NAA10: variants seen among roughly 807,000 people sequenced by gnomAD.
NAA10 encodes the protein N-alpha-acetyltransferase 10.
Under a neutral mutation model 19.2 loss-of-function variants are expected in NAA10, and 6 were observed. The observed-to-expected ratio is 0.31, with a 90% CI of 0.17 to 0.62. The LOEUF (loss-of-function observed/expected upper bound fraction) is 0.62, where lower values mean the gene tolerates loss of function less well. Among genes scored for constraint, NAA10 ranks in the 20% least tolerant of loss-of-function variants. The pLI is 0.83. For synonymous variants in NAA10, 97 were observed against 79.9 expected (o/e 1.21, Z -1.14); for missense variants, 101 against 198.4 (o/e 0.51, Z 2.95).
At position 153,932,677 on chromosome X, in the gene NAA10, C is replaced by T. The variant is rs1165613270; in HGVS notation, c.180-93G>A. Reference sequence around the variant, plus strand: ...CCATTTGTAGAGTGGACATGCACTACAGCCCCCTAAGACCCCAGCTGGGGG... The same window carrying T: ...CCATTTGTAGAGTGGACATGCACTATAGCCCCCTAAGACCCCAGCTGGGGG... On this transcript the variant is annotated intron_variant, in intron 3 of 7. Transcript: ENST00000464845. 3 of 856,785 alleles carry T rather than the reference C, an allele frequency of 3.5e-6. No individual in the cohort carries two copies. The Admixed American group carries it at 7.8e-5, about 22-fold the overall frequency. 70.6% of individuals were successfully genotyped at this position (856,785 alleles called of 1,213,427 possible).
intron 5 of NAA10, 64 bp from the exon 6 acceptor site, chrX:153,932,179 G>T (rs2065170313): frequency 8.4e-7 from 1 of 1,189,982 alleles, no homozygotes; most frequent in African/African-American, 1.7e-5. Flanking sequence ...GCACGTCCAG[G>T]TCTTGCCCCT....
intron 2 of NAA10, 173 bp from the exon 3 acceptor site, chrX:153,934,174 A>T (rs1014405686): frequency 5.4e-6 from 3 of 557,080 alleles, no homozygotes; most frequent in Non-Finnish European, 9.2e-6. Context: ...AAGAAGACGC[A>T]AAGTGGGGAT....
chrX:153,934,708 C>T (rs1176340285), intron 1 of NAA10, 176 bp downstream of exon 1: 6 of 617,847 alleles, frequency 9.7e-6, no homozygotes, highest in Admixed American at 3.3e-5. Context: ...GGAATCGCAG[C>T]CCCGGCCCCG....
chrX:153,932,810 G>C, intron 3 of NAA10: 2 of 438,055 alleles, frequency 4.6e-6, no homozygotes, highest in Non-Finnish European at 8.0e-6. Flanking sequence ...CCAGCTACTT[G>C]GCAGGCCGGG....
At position 153,929,920 on chromosome X, in the gene NAA10, G is replaced by GT; in HGVS notation, c.*66dup. On this transcript the variant is annotated 3_prime_UTR_variant, in exon 8 of 8. Coordinates refer to ENST00000464845, the MANE Select transcript of NAA10 (RefSeq NM_003491.4). Reference sequence around the variant, plus strand: ...AAATGTGCGCGCGCTCACACACAAAGTTCCCCAGTGCCACGGAGCGAATTT... The same window carrying GT: ...AAATGTGCGCGCGCTCACACACAAAGTTTCCCCAGTGCCACGGAGCGAATTT... 1 of 950,124 alleles carries GT rather than the reference G, an allele frequency of 1.1e-6. No homozygotes were observed. Among genetic ancestry groups the GT allele is most frequent in the African/African-American group, 1.9e-5 (1 of 52,728 alleles). The allele number at this position is 950,124 out of a possible 1,213,427, so 78.3% of individuals were successfully genotyped here. A position where few individuals can be genotyped will look rare whatever the true frequency, so the allele number is the denominator to read the frequency against.
In NAA10 at chrX:153,935,001, G is replaced by C. The variant is rs1276183006; in HGVS notation, c.-97C>G. 22 of 815,508 alleles carry C rather than the reference G, an allele frequency of 2.7e-5. No homozygotes were observed. The highest frequency in any genetic ancestry group is 3.3e-5 in the Non-Finnish European group (22 of 657,424). 67.2% of individuals were successfully genotyped at this position (815,508 alleles called of 1,213,427 possible). ...CGCCGGGACGGCCGGGGCTGGGACCGGAGCTGGGCTCGCTGGGCGACGGCG... is the reference window on the plus strand; with the variant it reads ...CGCCGGGACGGCCGGGGCTGGGACCCGAGCTGGGCTCGCTGGGCGACGGCG... On this transcript the variant is annotated 5_prime_UTR_variant, in exon 1 of 8. Coordinates refer to ENST00000464845, the MANE Select transcript of NAA10 (RefSeq NM_003491.4).
intron 1 of NAA10, 134 bp from the exon 2 acceptor site, chrX:153,934,609 C>A: frequency 1.6e-6 from 1 of 620,311 alleles, no homozygotes; most frequent in Non-Finnish European, 2.6e-6. Context: ...TCTGACTTTG[C>A]ACAACGCCCG....
chrX:153,930,892 G>C, intron 6 of NAA10, 45 bp from the exon 7 acceptor site: 1 of 1,210,190 alleles, frequency 8.3e-7, no homozygotes, highest in Non-Finnish European at 1.1e-6. Flanking sequence ...CCTGTATCCC[G>C]GGGACACCCT....
intron 1 of NAA10, 122 bp from the exon 2 acceptor site, chrX:153,934,597 G>T: frequency 3.1e-6 from 2 of 645,535 alleles, no homozygotes; most frequent in South Asian, 4.7e-5. Context: ...GCACTGTGAC[G>T]ATCTGACTTT....
In NAA10 at chrX:153,934,990, G is replaced by A. The variant is rs1209518962; in HGVS notation, c.-86C>T. ...CTCCGAAGCGACGCCGGGACGGCCG[G>A]GGCTGGGACCGGAGCTGGGCTCGCT... On this transcript the variant is annotated 5_prime_UTR_variant, in exon 1 of 8. Coordinates refer to ENST00000464845, the MANE Select transcript of NAA10 (RefSeq NM_003491.4). 4.6e-6 allele frequency: 4 copies of A among 871,526 alleles called. No individual in the cohort carries two copies. Among genetic ancestry groups the A allele is most frequent in the South Asian group, 4.5e-5 (1 of 22,077 alleles). The allele number at this position is 871,526 out of a possible 1,213,427, so 71.8% of individuals were successfully genotyped here.
Position 153,929,540 on chromosome X carries a change from G to C in NAA10, c.*447C>G, listed in dbSNP as rs1005542383. The C allele has an allele frequency of 4.6e-5, 7 of 151,295 alleles. No homozygotes were observed. The highest frequency in any genetic ancestry group is 7.7e-5 in the Admixed American group (1 of 12,924). 12.5% of individuals were successfully genotyped at this position (151,295 alleles called of 1,213,427 possible). Reference sequence around the variant, plus strand: ...GTCCACATCTGGAGCCCACGGGTATGCTGGGGAGCTGCTGTAGCCCGAAGC... The same window carrying C: ...GTCCACATCTGGAGCCCACGGGTATCCTGGGGAGCTGCTGTAGCCCGAAGC... On this transcript the variant is annotated 3_prime_UTR_variant, in exon 8 of 8. Coordinates refer to ENST00000464845, the MANE Select transcript of NAA10 (RefSeq NM_003491.4).
In NAA10 at chrX:153,929,906, C is replaced by T. The variant is rs1485052478; in HGVS notation, c.*81G>A. ...GAAACACACCCTCTAAATGTGCGCG[C>T]GCTCACACACAAAGTTCCCCAGTGC... On this transcript the variant is annotated 3_prime_UTR_variant, in exon 8 of 8. Coordinates refer to ENST00000464845, the MANE Select transcript of NAA10 (RefSeq NM_003491.4). 3.6e-5 allele frequency: 29 copies of T among 816,578 alleles called. No individual in the cohort carries two copies. The highest frequency in any genetic ancestry group is 1.7e-4 in the South Asian group (8 of 48,479). 67.3% of individuals were successfully genotyped at this position (816,578 alleles called of 1,213,427 possible). A position where few individuals can be genotyped will look rare whatever the true frequency, so the allele number is the denominator to read the frequency against.
At chrX:153,931,114 A>G in intron 6 of NAA10, 4 of 1,059,043 alleles carry the variant, frequency 3.8e-6, no homozygotes, top group Non-Finnish European at 4.9e-6. Context: ...TGTGAGCTGA[A>G]GCCCTGAATT....
At chrX:153,931,882 C>G (rs2065168366) in intron 6 of NAA10, 189 bp downstream of exon 6, 1 of 1,131,554 alleles carries the variant, frequency 8.8e-7, no homozygotes, top group Non-Finnish European at 1.2e-6. Context: ...GGTGCTGTCT[C>G]CATGCCGGCT....
chrX:153,932,733 C>T (rs1358059707), intron 3 of NAA10, 149 bp from the exon 4 acceptor site: 6 of 550,260 alleles, frequency 1.1e-5, no homozygotes, highest in East Asian at 3.6e-5. Context: ...TCAGAGCAGC[C>T]GATCCTGCCA....
intron 3 of NAA10, 105 bp from the exon 4 acceptor site, chrX:153,932,689 A>C: frequency 1.3e-6 from 1 of 772,483 alleles, no homozygotes. Context: ...GCCCCCTAAG[A>C]CCCCAGCTGG....
intron 5 of NAA10, 28 bp from the exon 6 acceptor site, chrX:153,932,143 T>C: frequency 8.3e-7 from 1 of 1,211,324 alleles, no homozygotes; most frequent in Non-Finnish European, 1.1e-6. Flanking sequence ...ACTGCTGAGC[T>C]GCACGGATTT....
At chrX:153,930,383 C>A in intron 7 of NAA10, 160 bp from the exon 8 acceptor site, 3 of 520,278 alleles carry the variant, frequency 5.8e-6, no homozygotes, top group East Asian at 3.6e-5. Flanking sequence ...TGGCTGGAGC[C>A]CCAGTCCACC....
Position 153,930,161 on chromosome X carries a change from G to T in NAA10, c.534C>A (p.Asn178Lys), listed in dbSNP as rs1360898468. The T allele has an allele frequency of 4.1e-6, 5 of 1,211,348 alleles. No homozygotes were observed. Among genetic ancestry groups the T allele is most frequent in the Non-Finnish European group, 5.6e-6 (5 of 895,418 alleles). ...GTGAATTGCCTTTGCTCTCCACCTT[G>T]TTCTCGATGGCACCCAGCACCACGT... ...GRHVVLGAIE[N>K]KVESKGNSPP... The change falls in exon 8 of 8, where the codon AAC (asparagine) becomes AAA (lysine). Residue 178 changes from asparagine (N) to lysine (K), a missense_variant. By Grantham distance (94) the Asn-to-Lys change is moderately conservative (BLOSUM62 0). Coordinates refer to ENST00000464845, the MANE Select transcript of NAA10 (RefSeq NM_003491.4).
Sources: allele counts gnomAD v4.1 joint callset, GRCh38; gene constraint gnomAD v4.1.1; transcripts MANE v1.5; gene names NCBI Gene and HGNC (gene_info 2026-07-23, HGNC 2026-07-21).